Variants in AKAP8 observed in about 807,000 individuals in gnomAD.
AKAP8 encodes the protein A-kinase anchoring protein 8, also known as A-kinase anchor protein 8.
Under a neutral mutation model 67.5 loss-of-function variants are expected in AKAP8, and 24 were observed. That is an observed-to-expected ratio of 0.36 (90% CI 0.26 to 0.50). The LOEUF (loss-of-function observed/expected upper bound fraction) is 0.50, where lower values mean the gene tolerates loss of function less well. Ranked by LOEUF, AKAP8 falls within the 20% of genes least tolerant of loss-of-function variation. AKAP8 has a pLI of 0.97. For synonymous variants in AKAP8, 400 were observed against 371.1 expected (o/e 1.08, Z -0.90); for missense variants, 971 against 955.9 (o/e 1.02, Z -0.21).
chr19:15,358,356 A>G lies in AKAP8; in HGVS notation c.1623+611T>C, dbSNP rs1172170802. On this transcript the variant is annotated intron_variant, in intron 13 of 13. Coordinates refer to ENST00000269701, the MANE Select transcript of AKAP8 (RefSeq NM_005858.4). ...CCTGGAAAATTCTCATGTACCTTGG[A>G]TTCTTTTTTTTTTTTTGAAATGGGG... Among the ~76,000 whole-genome samples the G allele has an allele frequency of 3.3e-5, 5 of 149,720 alleles. 1 individual carries two copies. The East Asian group carries it at 9.8e-4, about 29-fold the overall frequency.
intron 12 of AKAP8, 65 bp downstream of exon 12, chr19:15,360,783 C>T: frequency 1.3e-6 from 2 of 1,556,726 alleles, no homozygotes; most frequent in Non-Finnish European, 1.7e-6. Flanking sequence ...CCCCATAAGA[C>T]ACAGCAGGCT....
chr19:15,361,977 A>T, intron 10 of AKAP8, 133 bp downstream of exon 10: 5 of 1,401,204 alleles, frequency 3.6e-6, no homozygotes, highest in Non-Finnish European at 4.8e-6. Flanking sequence ...TGACTCAGGG[A>T]CTTACACAGC....
At chr19:15,375,240 G>T (rs1247402609) in intron 2 of AKAP8, among the ~76,000 whole-genome samples, 1 of 152,166 alleles carries the variant, frequency 6.6e-6, no homozygotes, top group Non-Finnish European at 1.5e-5. Context: ...CAGAGAGCAT[G>T]CACTGGTTCG....
rs1441644746 is a variant in AKAP8, at chr19:15,362,257, G to A, written c.1161-6C>T. ...CAGAACAGGCAAACTGAATTCTGTA[G>A]AAGGAAAACAAGGAGGGGAGTGAAG... On this transcript the variant is annotated splice_region_variant and splice_polypyrimidine_tract_variant and intron_variant, in intron 9 of 13. Coordinates refer to ENST00000269701, the MANE Select transcript of AKAP8 (RefSeq NM_005858.4). The A allele has an allele frequency of 6.2e-7, 1 of 1,613,960 alleles. No individual in the cohort carries two copies.
At chr19:15,361,997 TG>T in intron 10 of AKAP8, 112 bp downstream of exon 10, 1 of 1,473,168 alleles carries the variant, frequency 6.8e-7, no homozygotes, top group East Asian at 2.3e-5. Flanking sequence ...CTACTCTATC[TG>T]GGAAAGGAAA....
At position 15,363,563 on chromosome 19, in the gene AKAP8, G is replaced by C. The variant is rs529652347; in HGVS notation, c.1161-1312C>G. On this transcript the variant is annotated intron_variant, in intron 9 of 13. Coordinates refer to ENST00000269701, the MANE Select transcript of AKAP8 (RefSeq NM_005858.4). ...GGTCAGCCCCCTCGCCCAGCCAGCC[G>C]CCCCGTCCAGGAGGTGAGGGGCGCC... is the stretch of plus-strand genomic sequence containing the variant. 2.1e-3 allele frequency among the ~76,000 whole-genome samples: 312 copies of C among 150,062 alleles called. 2 individuals carry two copies. Among genetic ancestry groups the C allele is most frequent in the Admixed American group, 0.012 (186 of 15,168 alleles).
At position 15,369,327 on chromosome 19, in the gene AKAP8, A is replaced by G; in HGVS notation, c.1072+819T>C. The G allele has an allele frequency of 1.1e-6, 1 of 925,872 alleles. No homozygotes were observed. Among genetic ancestry groups the G allele is most frequent in the Non-Finnish European group, 1.3e-6 (1 of 775,790 alleles). 57.4% of individuals were successfully genotyped at this position (925,872 alleles called of 1,614,324 possible). ...ACTGCTGCGGGTCGCGGGGGGGAGG[A>G]CCGCAGAGGGCTGGCAAAGCCTGAA... On this transcript the variant is annotated intron_variant, in intron 8 of 13. Transcript: ENST00000269701. The surrounding 1 kb of genome is among the most constrained non-coding windows in gnomAD (Gnocchi z 4.6).
Position 15,360,868 on chromosome 19 carries a change from C to G in AKAP8, c.1507G>C (p.Asp503His). Residue 503 changes from aspartate to histidine, a missense_variant, in exon 12 of 14, where the codon GAC becomes CAC. By Grantham distance (81) the Asp-to-His change is moderately conservative. Transcript: ENST00000269701. Reference sequence around the variant, plus strand: ...CTCACCCTGCGGTTGTGATTGTGGTCCACGGAGTGCAGGTGCCGCTGGAGG... The same window carrying G: ...CTCACCCTGCGGTTGTGATTGTGGTGCACGGAGTGCAGGTGCCGCTGGAGG... ...QLLQRHLHSV[D>H]HNHNRRLAAE... 1 of 1,613,274 alleles carries G rather than the reference C, an allele frequency of 6.2e-7. No individual in the cohort carries two copies. Among genetic ancestry groups the G allele is most frequent in the Non-Finnish European group, 8.5e-7 (1 of 1,179,726 alleles).
chr19:15,370,625 CT>C (rs71176407), intron 7 of AKAP8, among the ~76,000 whole-genome samples: 40 of 80,952 alleles, frequency 4.9e-4, no homozygotes, highest in Admixed American at 7.2e-4. Flanking sequence ...TACCCAATGT[CT>C]TTTTTTTTTT....
intron 8 of AKAP8, 143 bp from the exon 9 acceptor site, chr19:15,368,465 C>T: frequency 1.3e-6 from 2 of 1,538,698 alleles, no homozygotes; most frequent in Middle Eastern, 1.8e-4. Flanking sequence ...CCAGGATGCC[C>T]CAAGGCACTG....
At position 15,369,310 on chromosome 19, in the gene AKAP8, G is replaced by A. The variant is rs546382706; in HGVS notation, c.1072+836C>T. 2.0e-5 allele frequency: 19 copies of A among 971,992 alleles called. No homozygotes were observed. Among genetic ancestry groups the A allele is most frequent in the African/African-American group, 3.5e-5 (2 of 57,022 alleles). The allele number at this position is 971,992 out of a possible 1,614,324, so 60.2% of individuals were successfully genotyped here. On this transcript the variant is annotated intron_variant, in intron 8 of 13. Transcript: ENST00000269701. The surrounding 1 kb of genome is among the most constrained non-coding windows in gnomAD (Gnocchi z 4.6). ...CCCGTGCTATGGACAGGACTGCTGCGGGTCGCGGGGGGGAGGACCGCAGAG... is the reference window on the plus strand; with the variant it reads ...CCCGTGCTATGGACAGGACTGCTGCAGGTCGCGGGGGGGAGGACCGCAGAG...
Position 15,372,016 on chromosome 19 carries a change from A to G in AKAP8, c.992-18T>C, listed in dbSNP as rs79100413. The stretch of plus-strand genomic sequence containing the variant: ...TGCGTCATCTGCCAGACACAAAGAA[A>G]GGAAAAGTCAGTCCCCGGAGAACGG... On this transcript the variant is annotated intron_variant, in intron 6 of 13. Coordinates refer to ENST00000269701, the MANE Select transcript of AKAP8 (RefSeq NM_005858.4). 2,638 of 1,614,038 alleles carry G rather than the reference A, an allele frequency of 1.6e-3. 40 individuals carry two copies. The African/African-American group carries it at 0.031, about 19-fold the overall frequency.
At position 15,362,260 on chromosome 19, in the gene AKAP8, G is replaced by A. The variant is rs758259225; in HGVS notation, c.1161-9C>T. ...AACAGGCAAACTGAATTCTGTAGAA[G>A]GAAAACAAGGAGGGGAGTGAAGCAG... On this transcript the variant is annotated splice_polypyrimidine_tract_variant and intron_variant, in intron 9 of 13. Transcript: ENST00000269701. 6.2e-7 allele frequency: 1 copy of A among 1,613,918 alleles called. No individual in the cohort carries two copies.
intron 1 of AKAP8, among the ~76,000 whole-genome samples, chr19:15,377,658 CG>C (rs1377778408): frequency 6.6e-6 from 1 of 152,124 alleles, no homozygotes; most frequent in African/African-American, 2.4e-5. Context: ...TTAGTAGAGA[CG>C]GGGTTTCACC....
At position 15,373,082 on chromosome 19, in the gene AKAP8, G is replaced by A. The variant is rs377117827; in HGVS notation, c.630C>T (p.Phe210=). The change falls in exon 5 of 14, where the codon TTC becomes TTT. Residue 210 remains phenylalanine (F), a synonymous_variant. Transcript: ENST00000269701. ...NPGTFMRSDP[F]VPPAASSEPL... ...GCTCAGAGGACGCAGCGGGGGGCAC[G>A]AAGGGGTCGCTGCGCATGAAGGTGC... The A allele has an allele frequency of 2.4e-5, 38 of 1,611,050 alleles. No individual in the cohort carries two copies. Among genetic ancestry groups the A allele is most frequent in the South Asian group, 1.2e-4 (11 of 90,836 alleles).
At chr19:15,378,229 G>C (rs1023592902) in intron 1 of AKAP8, among the ~76,000 whole-genome samples, 2 of 152,064 alleles carry the variant, frequency 1.3e-5, no homozygotes, top group African/African-American at 2.4e-5. Flanking sequence ...CCGTCATACC[G>C]CAAAACCTTC....
At chr19:15,359,807 C>T (rs1273146385) in intron 12 of AKAP8, among the ~76,000 whole-genome samples, 1 of 152,068 alleles carries the variant, frequency 6.6e-6, no homozygotes, top group Non-Finnish European at 1.5e-5. Context: ...GCACAATGGT[C>T]CCTTGTTTGT....
At chr19:15,368,955 C>G (rs1967112210) in intron 8 of AKAP8, 1 of 985,920 alleles carries the variant, frequency 1.0e-6, no homozygotes, top group Admixed American at 6.1e-5. Flanking sequence ...CCGTCCGTCC[C>G]CCGGGGCCAG....
At chr19:15,367,388 C>T (rs1967087835) in intron 9 of AKAP8, among the ~76,000 whole-genome samples, 2 of 152,018 alleles carry the variant, frequency 1.3e-5, no homozygotes, top group African/African-American at 4.8e-5. Flanking sequence ...ATTAGCCAGG[C>T]GTGGTGTCAG....
Sources: gnomAD v4.1 joint callset for allele counts (sites outside exome capture counted in the v4.1 genomes callset) on GRCh38, gnomAD v4.1.1 for gene constraint, Gnocchi (gnomAD v3.1) non-coding constraint, MANE v1.5 for transcripts, NCBI Gene and HGNC (gene_info 2026-07-23, HGNC 2026-07-21) for gene names.